Variants in MTCL2 observed in about 807,000 individuals in gnomAD.
The protein encoded by MTCL2 is microtubule crosslinking factor 2.
the MTCL2 span, among the ~76,000 whole-genome samples, chr20:36,852,064 C>T: frequency 6.6e-6 from 1 of 152,194 alleles, no homozygotes; most frequent in Admixed American, 6.5e-5. Flanking sequence ...ACCACCTCCT[C>T]CCCAGGTTCC....
the MTCL2 span, chr20:36,793,666 G>C: frequency 9.0e-6 from 14 of 1,550,274 alleles, no homozygotes; most frequent in Non-Finnish European, 1.2e-5. The surrounding 1 kb of genome is among the most constrained non-coding windows in gnomAD (Gnocchi z 6.8). Flanking sequence ...AGCGGGCCCA[G>C]GCCGAGCCGT....
At chr20:36,855,993 GC>G in the MTCL2 span, among the ~76,000 whole-genome samples, 3 of 152,166 alleles carry the variant, frequency 2.0e-5, no homozygotes, top group African/African-American at 7.2e-5. Context: ...GGTGGCTGCA[GC>G]TTTGCTGCAA....
the MTCL2 span, among the ~76,000 whole-genome samples, chr20:36,849,431 CTTT>C: frequency 1.3e-4 from 20 of 152,000 alleles, no homozygotes; most frequent in African/African-American, 4.6e-4. Context: ...TCAAATCACA[CTTT>C]TTACTTATTT....
At chr20:36,840,705 G>T in the MTCL2 span, among the ~76,000 whole-genome samples, 33 of 151,930 alleles carry the variant, frequency 2.2e-4, no homozygotes, top group African/African-American at 8.0e-4. Flanking sequence ...AATTAGCTGG[G>T]CATGGTGGCG....
the MTCL2 span, among the ~76,000 whole-genome samples, chr20:36,841,874 G>GGGGTGTGTGGGTGTGTGTGT: frequency 3.6e-5 from 4 of 110,862 alleles, no homozygotes; most frequent in Middle Eastern, 4.2e-3. Context: ...TGGGGGGTGG[G>GGGGTGTGTGGGTGTGTGTGT]GTGTGTGTGT....
the MTCL2 span, chr20:36,781,409 A>T: frequency 6.6e-6 from 1 of 152,084 alleles, no homozygotes. Context: ...GGTGGCACAC[A>T]CCTGTAATCC....
chr20:36,851,501 C>T, the MTCL2 span, among the ~76,000 whole-genome samples: 6 of 152,202 alleles, frequency 3.9e-5, no homozygotes, highest in African/African-American at 1.4e-4. Context: ...CAGCAGCCAC[C>T]TCACCTGTCC....
chr20:36,834,743 TG>T, the MTCL2 span, among the ~76,000 whole-genome samples: 2 of 152,290 alleles, frequency 1.3e-5, no homozygotes, highest in South Asian at 2.1e-4. Context: ...GGCTCACACC[TG>T]TAATCCCAGC....
At chr20:36,808,515 C>T in the MTCL2 span, 1 of 1,587,958 alleles carries the variant, frequency 6.3e-7, no homozygotes, top group East Asian at 2.3e-5. Context: ...AATCTTACCT[C>T]GAGGAAGTCA....
the MTCL2 span, among the ~76,000 whole-genome samples, chr20:36,861,082 AGAGT>A: frequency 6.6e-6 from 1 of 152,210 alleles, no homozygotes; most frequent in Non-Finnish European, 1.5e-5. Flanking sequence ...CCCCTTCACC[AGAGT>A]GAGTAGCAGG....
the MTCL2 span, among the ~76,000 whole-genome samples, chr20:36,809,625 G>C: frequency 6.9e-6 from 1 of 145,362 alleles, no homozygotes; most frequent in Admixed American, 7.1e-5. Flanking sequence ...ACCCAGGCTA[G>C]AATACAGTGG....
the MTCL2 span, among the ~76,000 whole-genome samples, chr20:36,819,530 G>A: frequency 8.9e-3 from 1,343 of 151,122 alleles, 15 homozygotes; most frequent in African/African-American, 0.031. Context: ...AGAGTTGGTA[G>A]GAGAAAATGT....
At chr20:36,792,835 T>TATAG in the MTCL2 span, among the ~76,000 whole-genome samples, 290 of 149,086 alleles carry the variant, frequency 1.9e-3, no homozygotes, top group Middle Eastern at 0.017. Flanking sequence ...TATATAGATA[T>TATAG]ATAGATAGAT....
the MTCL2 span, chr20:36,862,614 G>A: frequency 6.9e-7 from 1 of 1,457,626 alleles, no homozygotes; most frequent in Admixed American, 2.3e-5. Flanking sequence ...GACTGTGACA[G>A]CCGGCGACCC....
At chr20:36,809,969 G>A in the MTCL2 span, 12 of 1,596,024 alleles carry the variant, frequency 7.5e-6, no homozygotes, top group South Asian at 1.1e-5. Context: ...GGAAAGCGCT[G>A]GGCACCACGC....
the MTCL2 span, among the ~76,000 whole-genome samples, chr20:36,840,392 T>A: frequency 1.3e-5 from 2 of 149,070 alleles, no homozygotes; most frequent in African/African-American, 5.1e-5. Flanking sequence ...ATGGTCTCCA[T>A]CTCCTGACCT....
chr20:36,853,702 GGTGTGT>G, the MTCL2 span, among the ~76,000 whole-genome samples: 52,901 of 143,706 alleles, frequency 0.37, 9,816 homozygotes, highest in East Asian at 0.62. Context: ...ATCAGGGAGG[GGTGTGT>G]GTGTGTGTGT....
chr20:36,786,465 C>T, the MTCL2 span: 30 of 1,515,616 alleles, frequency 2.0e-5, no homozygotes, highest in Admixed American at 1.4e-4. Context: ...CTGGTTGAGG[C>T]GGGGAGCTTG....
At chr20:36,841,155 C>CAAAAAAAAA in the MTCL2 span, among the ~76,000 whole-genome samples, 42 of 40,356 alleles carry the variant, frequency 1.0e-3, 3 homozygotes, top group Non-Finnish European at 1.4e-3. Flanking sequence ...ACTAAAAATA[C>CAAAAAAAAA]AAAAAAAAAA....
Sources: allele counts gnomAD v4.1 joint callset (sites outside exome capture counted in the v4.1 genomes callset), GRCh38; gene constraint gnomAD v4.1.1; non-coding constraint Gnocchi (gnomAD v3.1); transcripts MANE v1.5; gene names NCBI Gene and HGNC (gene_info 2026-07-23, HGNC 2026-07-21).